Variants in SYNE3 observed in about 807,000 individuals in gnomAD.
SYNE3 encodes the protein nesprin-3.
A neutral mutation model predicts 111.2 loss-of-function variants in SYNE3; 100 were observed. The observed-to-expected ratio is 0.90, with a 90% CI of 0.77 to 1.06. SYNE3 has a LOEUF of 1.06. Among genes scored for constraint, SYNE3 ranks in the 50% least tolerant of loss-of-function variants. The probability of loss-of-function intolerance (pLI) is 0.00; values close to 1 mark genes in which losing one functional copy is unlikely to be tolerated. For missense variants in SYNE3, 1,160 were observed against 1,240.3 expected, an observed-to-expected ratio of 0.94 and a Z score of 0.97; for synonymous variants, 547 against 533.9, an observed-to-expected ratio of 1.02 and a Z score of -0.34.
Position 95,466,123 on chromosome 14 carries a change from G to A in SYNE3, c.435C>T (p.Gly145=). 3 of 1,612,594 alleles carry A rather than the reference G, an allele frequency of 1.9e-6. No individual in the cohort carries two copies. The highest frequency in any genetic ancestry group is 2.5e-6 in the Non-Finnish European group (3 of 1,178,784). Residue 145 remains glycine (G), a synonymous_variant, in exon 4 of 18, where the codon GGC becomes GGT. Transcript: ENST00000682763. ...TLEPHIELQL[G]LKEKQWQLSH... ...TCAGCTGCCACTGCTTCTCCTTCAG[G>A]CCCAGCTGGAGCTCGATGTGGGGCT... is the stretch of plus-strand genomic sequence containing the variant.
intron 17 of SYNE3, among the ~76,000 whole-genome samples, chr14:95,421,594 C>A (rs1016862397): frequency 7.2e-5 from 11 of 152,184 alleles, no homozygotes; most frequent in Admixed American, 6.5e-4. Context: ...TGAGGCCACG[C>A]ATGCTATGCA....
chr14:95,417,557 T>A lies in SYNE3; in HGVS notation c.*269A>T, dbSNP rs1903619300. On this transcript the variant is annotated 3_prime_UTR_variant, in exon 18 of 18. Coordinates refer to ENST00000682763, the MANE Select transcript of SYNE3 (RefSeq NM_152592.6). ...TCCAAATAGAACTCGTATATGAAAT[T>A]ATACATACTGAGCATTTACATACAG... 1 of 506,362 alleles carries A rather than the reference T, an allele frequency of 2.0e-6. No individual in the cohort carries two copies. The highest frequency in any genetic ancestry group is 1.9e-5 in the African/African-American group (1 of 52,362). The allele number at this position is 506,362 out of a possible 1,614,324, so 31.4% of individuals were successfully genotyped here.
intron 15 of SYNE3, among the ~76,000 whole-genome samples, chr14:95,434,767 C>T (rs1478689147): frequency 2.6e-5 from 4 of 152,220 alleles, no homozygotes; most frequent in African/African-American, 9.7e-5. Context: ...AAGCAATTCT[C>T]CTGCCTTAGC....
chr14:95,460,563 C>T (rs1271210184), intron 4 of SYNE3, among the ~76,000 whole-genome samples: 1 of 152,114 alleles, frequency 6.6e-6, no homozygotes, highest in Admixed American at 6.5e-5. Flanking sequence ...TGGCTTACAA[C>T]TGGAATCAAG....
At position 95,444,363 on chromosome 14, in the gene SYNE3, A is replaced by G. The variant is rs1309784295; in HGVS notation, c.1776+122T>C. The G allele has an allele frequency of 8.9e-6, 12 of 1,341,884 alleles. No homozygotes were observed. The East Asian group carries it at 2.9e-4, about 33-fold the overall frequency. 83.1% of individuals were successfully genotyped at this position (1,341,884 alleles called of 1,614,324 possible). Reference sequence around the variant, plus strand: ...GAGGTGAAAGGTCAGATCTCAACTAAGGGTCTAAATTTCTGGCTCACGGCA... The same window carrying G: ...GAGGTGAAAGGTCAGATCTCAACTAGGGGTCTAAATTTCTGGCTCACGGCA... On this transcript the variant is annotated intron_variant, in intron 10 of 17. Transcript: ENST00000682763.
chr14:95,429,174 C>T (rs533857129), intron 17 of SYNE3, among the ~76,000 whole-genome samples: 15 of 152,364 alleles, frequency 9.8e-5, no homozygotes, highest in African/African-American at 3.1e-4. Flanking sequence ...TTGCTCCCTT[C>T]GCTCTCAGAA....
At chr14:95,473,819 T>C (rs1489780134) in intron 2 of SYNE3, among the ~76,000 whole-genome samples, 7 of 130,388 alleles carry the variant, frequency 5.4e-5, no homozygotes, top group African/African-American at 1.5e-4. Flanking sequence ...GAACTAAGGC[T>C]GGTGTGAGCT....
At chr14:95,439,585 C>T (rs778252508) in intron 13 of SYNE3, 27 bp downstream of exon 13, 71 of 1,602,394 alleles carry the variant, frequency 4.4e-5, no homozygotes, top group East Asian at 1.3e-4. Flanking sequence ...TCCCAGACAA[C>T]GCTCAGAGCC....
chr14:95,498,950 A>G (rs1343146532), intron 1 of SYNE3, among the ~76,000 whole-genome samples: 2 of 152,228 alleles, frequency 1.3e-5, no homozygotes, highest in East Asian at 3.9e-4. Flanking sequence ...GGTTTACAAA[A>G]ACAACACAGA....
chr14:95,431,934 G>A (rs1885790279), intron 17 of SYNE3, 145 bp downstream of exon 17: 1 of 951,672 alleles, frequency 1.1e-6, no homozygotes, highest in East Asian at 2.6e-5. Flanking sequence ...GCACAGCGCA[G>A]CCCAGAGTTG....
intron 10 of SYNE3, 90 bp downstream of exon 10, chr14:95,444,395 G>T: frequency 1.4e-6 from 2 of 1,476,394 alleles, no homozygotes; most frequent in African/African-American, 1.4e-5. Flanking sequence ...GGCAGCTGTT[G>T]CTTTGCTGGT....
In SYNE3 at chr14:95,409,092, A is replaced by G. The variant is rs1308191264; in HGVS notation, c.*8734T>C. 48 of 447,834 alleles carry G rather than the reference A, an allele frequency of 1.1e-4. No homozygotes were observed. The Admixed American group carries it at 1.1e-3, about 11-fold the overall frequency. 27.7% of individuals were successfully genotyped at this position (447,834 alleles called of 1,614,324 possible). ...CTAACTCACCAGCTGCCAGAGTGGCAGCAGCCCGCGGCCTGCAAAGGAAAG... is the reference window on the plus strand; with the variant it reads ...CTAACTCACCAGCTGCCAGAGTGGCGGCAGCCCGCGGCCTGCAAAGGAAAG... On this transcript the variant is annotated 3_prime_UTR_variant, in exon 18 of 18. Coordinates refer to ENST00000682763, the MANE Select transcript of SYNE3 (RefSeq NM_152592.6).
intron 13 of SYNE3, 49 bp from the exon 14 acceptor site, chr14:95,439,211 C>G: frequency 6.2e-7 from 1 of 1,608,392 alleles, no homozygotes; most frequent in South Asian, 1.1e-5. Context: ...GGTGGGGACC[C>G]ACCAGGACAT....
intron 14 of SYNE3, chr14:95,438,255 T>C (rs1205046915): frequency 6.6e-6 from 1 of 152,226 alleles, no homozygotes. Flanking sequence ...TTTTTAAATA[T>C]TTTTTATAGA....
chr14:95,483,298 T>C (rs1889363757), intron 1 of SYNE3, among the ~76,000 whole-genome samples: 1 of 152,174 alleles, frequency 6.6e-6, no homozygotes, highest in South Asian at 2.1e-4. Flanking sequence ...CCCTGCTCTG[T>C]CAAGCTGGCC....
chr14:95,439,346 T>C (rs1206465960), intron 13 of SYNE3, among the ~76,000 whole-genome samples, 184 bp from the exon 14 acceptor site: 1 of 152,264 alleles, frequency 6.6e-6, no homozygotes, highest in African/African-American at 2.4e-5. Flanking sequence ...TAACCTGTCA[T>C]GAACGTGCGT....
chr14:95,510,548 C>T (rs574693870), intron 1 of SYNE3, among the ~76,000 whole-genome samples: 5 of 152,270 alleles, frequency 3.3e-5, no homozygotes, highest in Admixed American at 6.5e-5. Context: ...TGCCTGTAAT[C>T]CTAGCCGAGG....
In SYNE3 at chr14:95,432,099, C is replaced by A; in HGVS notation, c.2707G>T (p.Glu903Ter). ...GHLLTQSSPG[E>*]PTGFQKTRRW... ...TGTACCTTTTGGAATCCAGTCGGCT[C>A]CCCTGGAGAACTTTGTGTCTGTTAT... The change falls in exon 17 of 18, where the codon GAG becomes TAG. Residue 903 changes from glutamate (E) to a stop codon, truncating the protein, a stop_gained. Coordinates refer to ENST00000682763, the MANE Select transcript of SYNE3 (RefSeq NM_152592.6). LOFTEE classifies it low-confidence loss of function (END_TRUNC). The A allele has an allele frequency of 6.2e-7, 1 of 1,612,630 alleles. No individual in the cohort carries two copies. Among genetic ancestry groups the A allele is most frequent in the South Asian group, 1.1e-5 (1 of 90,610 alleles).
At chr14:95,456,077 C>T (rs1419187986) in intron 5 of SYNE3, 2 of 374,108 alleles carry the variant, frequency 5.3e-6, no homozygotes, top group African/African-American at 2.1e-5. Context: ...TGGCTCCGTT[C>T]GGTTTCATTG....
Sources: allele counts gnomAD v4.1 joint callset (sites outside exome capture counted in the v4.1 genomes callset), GRCh38; gene constraint gnomAD v4.1.1; transcripts MANE v1.5; gene names NCBI Gene and HGNC (gene_info 2026-07-23, HGNC 2026-07-21).